C5orf46: variants seen among roughly 807,000 people sequenced by gnomAD.
C5orf46 encodes chromosome 5 open reading frame 46.
In C5orf46, 9 loss-of-function variants were observed where a neutral mutation model predicts 8.9. That is an observed-to-expected ratio of 1.01 (90% confidence interval 0.61 to 1.76). C5orf46 has a LOEUF of 1.76. C5orf46 is among the 40% of genes most tolerant of loss of function. The pLI, the probability that C5orf46 is intolerant of heterozygous loss-of-function variation, is 0.00. For missense variants in C5orf46, 98 were observed against 107.8 expected (o/e 0.91, Z 0.40); for synonymous variants, 47 against 41.4 (o/e 1.14, Z -0.52).
At position 147,906,506 on chromosome 5, in the gene C5orf46, G is replaced by T. The variant is rs1351942182; in HGVS notation, c.-5C>A. ...GCGAAGTACTGAGACAGCCATTCTGGTAGCACGGGGTATTCGTGCAGATAA... is the reference window on the plus strand; with the variant it reads ...GCGAAGTACTGAGACAGCCATTCTGTTAGCACGGGGTATTCGTGCAGATAA... On this transcript the variant is annotated 5_prime_UTR_variant, in exon 1 of 4. Transcript: ENST00000318315. 2 of 1,605,208 alleles carry T rather than the reference G, an allele frequency of 1.2e-6. No homozygotes were observed. Among genetic ancestry groups the T allele is most frequent in the Non-Finnish European group, 1.7e-6 (2 of 1,172,642 alleles).
intron 3 of C5orf46, among the ~76,000 whole-genome samples, chr5:147,894,832 G>C (rs145257415): frequency 0.017 from 2,547 of 152,048 alleles, 79 homozygotes; most frequent in African/African-American, 0.059. Context: ...GAGGCCGAAG[G>C]GGGGTGAATC....
At chr5:147,896,882 G>T in intron 3 of C5orf46, 102 bp downstream of exon 3, 1 of 464,794 alleles carries the variant, frequency 2.2e-6, no homozygotes, top group Non-Finnish European at 3.9e-6. Context: ...CTGCTTGTAG[G>T]TAGACATGGG....
chr5:147,889,490 G>A (rs1222590323), downstream of C5orf46, among the ~76,000 whole-genome samples: 2 of 151,792 alleles, frequency 1.3e-5, no homozygotes, highest in African/African-American at 4.8e-5. Context: ...ATAATTTTTG[G>A]ATCTAAATTT....
chr5:147,898,289 T>C (rs1466657253), intron 2 of C5orf46, among the ~76,000 whole-genome samples: 4 of 152,088 alleles, frequency 2.6e-5, no homozygotes, highest in South Asian at 2.1e-4. Flanking sequence ...ATAGGGTGCA[T>C]ATACATATAC....
At chr5:147,886,509 A>C (rs1757423174) in intron 2 of C5orf46, 1 of 151,094 alleles carries the variant, frequency 6.6e-6, no homozygotes, top group Non-Finnish European at 1.5e-5. Flanking sequence ...AATTATATAC[A>C]ACTATAATTA....
At chr5:147,891,767 G>A (rs1373224911), downstream of C5orf46, among the ~76,000 whole-genome samples, 1 of 152,226 alleles carries the variant, frequency 6.6e-6, no homozygotes, top group East Asian at 1.9e-4. Context: ...TAAGTGGGAT[G>A]TGATATTTGA....
chr5:147,895,977 A>G (rs960590489), intron 3 of C5orf46, among the ~76,000 whole-genome samples: 12 of 152,190 alleles, frequency 7.9e-5, no homozygotes, highest in East Asian at 1.9e-4. Context: ...AATGGAGCCA[A>G]TGGGGAAAAG....
intron 1 of C5orf46, 98 bp from the exon 2 acceptor site, chr5:147,901,871 C>A (rs1757677322): frequency 6.9e-6 from 9 of 1,306,692 alleles, no homozygotes; most frequent in Non-Finnish European, 9.5e-6. Context: ...GACCCACTCA[C>A]AAATTTCATA....
chr5:147,903,573 A>G (rs1443643196), intron 1 of C5orf46, among the ~76,000 whole-genome samples: 1 of 152,212 alleles, frequency 6.6e-6, no homozygotes, highest in Non-Finnish European at 1.5e-5. Flanking sequence ...GGAAACTATT[A>G]GTAAAAAAGA....
At chr5:147,901,440 C>T (rs559686782) in intron 2 of C5orf46, 189 bp downstream of exon 2, 22 of 497,670 alleles carry the variant, frequency 4.4e-5, no homozygotes, top group African/African-American at 4.3e-4. Flanking sequence ...GTCCTTTCCC[C>T]CAAAAAGCTC....
At chr5:147,890,660 A>G (rs1166978528), downstream of C5orf46, among the ~76,000 whole-genome samples, 1 of 152,168 alleles carries the variant, frequency 6.6e-6, no homozygotes, top group African/African-American at 2.4e-5. Context: ...GGAGCAAGCC[A>G]TGTGGCCACC....
At chr5:147,893,452 T>C (rs552699511) in intron 3 of C5orf46, among the ~76,000 whole-genome samples, 1 of 151,772 alleles carries the variant, frequency 6.6e-6, no homozygotes, top group African/African-American at 2.4e-5. Flanking sequence ...ACCTGGCTAA[T>C]TTTTTGTATT....
chr5:147,893,947 C>T (rs1757543451), intron 3 of C5orf46, among the ~76,000 whole-genome samples: 1 of 149,094 alleles, frequency 6.7e-6, no homozygotes, highest in Non-Finnish European at 1.5e-5. Flanking sequence ...GAAAAATTTT[C>T]CATAAGACTT....
At chr5:147,892,415 A>T (rs147999689), downstream of C5orf46, among the ~76,000 whole-genome samples, 12 of 152,338 alleles carry the variant, frequency 7.9e-5, no homozygotes, top group African/African-American at 2.9e-4. Flanking sequence ...GTGGGCTCAG[A>T]TAGTTTTAAA....
At chr5:147,897,133 A>G in intron 2 of C5orf46, 92 bp from the exon 3 acceptor site, 1 of 526,660 alleles carries the variant, frequency 1.9e-6, no homozygotes. Context: ...TTTGAGCCAC[A>G]CTGTTCTTCT....
intron 1 of C5orf46, among the ~76,000 whole-genome samples, chr5:147,904,855 A>G (rs1407178549): frequency 6.7e-6 from 1 of 149,338 alleles, no homozygotes; most frequent in Non-Finnish European, 1.5e-5. Flanking sequence ...ACACATACAT[A>G]TATCTATATT....
At chr5:147,904,017 G>A (rs1757712324) in intron 1 of C5orf46, among the ~76,000 whole-genome samples, 1 of 152,074 alleles carries the variant, frequency 6.6e-6, no homozygotes, top group African/African-American at 2.4e-5. Context: ...TGAAGTGCTG[G>A]GGTCACAGGT....
chr5:147,896,957 A>C, intron 3 of C5orf46, 27 bp downstream of exon 3: 1 of 1,257,214 alleles, frequency 8.0e-7, no homozygotes, highest in Non-Finnish European at 1.1e-6. Flanking sequence ...CTGTTATTTC[A>C]GTTGTAAATT....
intron 2 of C5orf46, among the ~76,000 whole-genome samples, chr5:147,899,526 T>C (rs745944233): frequency 6.6e-5 from 10 of 152,198 alleles, no homozygotes; most frequent in Non-Finnish European, 2.9e-5. Context: ...ATCTGCAAGA[T>C]ATCTTTCCTT....
Sources: allele counts gnomAD v4.1 joint callset (sites outside exome capture counted in the v4.1 genomes callset), GRCh38; gene constraint gnomAD v4.1.1; transcripts MANE v1.5; gene names NCBI Gene and HGNC (gene_info 2026-07-23, HGNC 2026-07-21).